Variants in LHCGR observed in about 807,000 individuals in gnomAD.
The protein encoded by LHCGR is lutropin-choriogonadotropic hormone receptor.
LHCGR carries 55 observed loss-of-function variants against 60.7 expected under a neutral mutation model. The observed-to-expected ratio is 0.91, with a 90% confidence interval of 0.73 to 1.13. The LOEUF is 1.13. Ranked by LOEUF, LHCGR falls within the 50% of genes most tolerant of loss-of-function variation. The pLI is 0.00. For missense variants in LHCGR, 862 were observed against 836.0 expected (o/e 1.03, Z -0.38); for synonymous variants, 337 against 316.5 (o/e 1.06, Z -0.69).
In LHCGR at chr2:48,723,444, G is replaced by A; in HGVS notation, c.536+12C>T. 1.9e-6 allele frequency: 3 copies of A among 1,584,118 alleles called. No homozygotes were observed. Among genetic ancestry groups the A allele is most frequent in the Non-Finnish European group, 1.7e-6 (2 of 1,152,786 alleles). On this transcript the variant is annotated intron_variant, in intron 6 of 10. Transcript: ENST00000294954. ...GCTGTATGGCAGAACACAAATCTGG[G>A]AGTTTACTCACAGTGTTACAGATTC...
At chr2:48,735,756 A>G (rs972614393) in intron 1 of LHCGR, among the ~76,000 whole-genome samples, 3 of 152,162 alleles carry the variant, frequency 2.0e-5, no homozygotes, top group African/African-American at 7.2e-5. Context: ...AACTGCTAGG[A>G]AAGAGTGGGT....
chr2:48,708,088 A>T (rs1271693806), intron 8 of LHCGR, among the ~76,000 whole-genome samples: 1 of 152,178 alleles, frequency 6.6e-6, no homozygotes, highest in African/African-American at 2.4e-5. Flanking sequence ...GGAAATGCAG[A>T]AATCACCCGT....
chr2:48,705,783 G>C (rs1002990557), intron 8 of LHCGR, among the ~76,000 whole-genome samples: 1 of 151,786 alleles, frequency 6.6e-6, no homozygotes, highest in African/African-American at 2.4e-5. Flanking sequence ...GAGCCTATGT[G>C]TGTCTTTGCA....
chr2:48,742,054 A>G (rs1269976390), intron 1 of LHCGR, among the ~76,000 whole-genome samples: 1 of 152,172 alleles, frequency 6.6e-6, no homozygotes, highest in Non-Finnish European at 1.5e-5. Flanking sequence ...AGTCTCTGAT[A>G]AAACAGACTT....
chr2:48,688,681 T>A lies in LHCGR; in HGVS notation c.1116A>T (p.Leu372=). The A allele has an allele frequency of 1.2e-6, 2 of 1,614,180 alleles. No homozygotes were observed. The highest frequency in any genetic ancestry group is 2.2e-5 in the South Asian group (2 of 91,078). The change falls in exon 11 of 11, where the codon CTA becomes CTT. Residue 372 remains leucine, a synonymous_variant. Coordinates refer to ENST00000294954, the MANE Select transcript of LHCGR (RefSeq NM_000233.4). The surrounding 1 kb of genome is among the most constrained non-coding windows in gnomAD (Gnocchi z 5.2). ...LRVLIWLINI[L]AIMGNMTVLF... is the part of the protein sequence containing the mutation. ...GAACAGTCATGTTTCCCATGATGGC[T>A]AGAATATTAATCAGCCAAATCAGGA...
intron 6 of LHCGR, among the ~76,000 whole-genome samples, chr2:48,719,422 C>T (rs1668409501): frequency 6.6e-6 from 1 of 152,268 alleles, no homozygotes; most frequent in African/African-American, 2.4e-5. Context: ...GACATCACTT[C>T]TCTGTAGGGT....
intron 1 of LHCGR, among the ~76,000 whole-genome samples, chr2:48,740,378 C>T (rs376027484): frequency 6.6e-6 from 1 of 152,242 alleles, no homozygotes; most frequent in East Asian, 1.9e-4. Context: ...TAGGCTCCAC[C>T]TCTGGGGGCA....
At chr2:48,713,495 G>A (rs1668094271) in intron 7 of LHCGR, among the ~76,000 whole-genome samples, 1 of 152,122 alleles carries the variant, frequency 6.6e-6, no homozygotes, top group African/African-American at 2.4e-5. Context: ...TGGGTAGGGT[G>A]TGGTGAAAAC....
Position 48,687,902 on chromosome 2 carries a change from C to T in LHCGR, c.1895G>A (p.Arg632Lys). The change falls in exon 11 of 11, where the codon AGA becomes AAA. Residue 632 changes from arginine (R) to lysine (K), a missense_variant. Transcript: ENST00000294954. ...TTTGCTCAGCAAAAGAAAGAAATCT[C>T]TTTGGAATGTCTTAGTGAATATTGC... ...LYAIFTKTFQRDFFLLLSKFG... is the reference protein window; with the variant it reads ...LYAIFTKTFQKDFFLLLSKFG... 6.2e-7 allele frequency: 1 copy of T among 1,614,116 alleles called. No homozygotes were observed. Among genetic ancestry groups the T allele is most frequent in the Non-Finnish European group, 8.5e-7 (1 of 1,180,020 alleles).
intron 3 of LHCGR, 85 bp downstream of exon 3, chr2:48,729,068 G>A (rs1011398177): frequency 9.6e-7 from 1 of 1,046,310 alleles, no homozygotes; most frequent in Admixed American, 1.7e-5. Flanking sequence ...CCTAGCAGTG[G>A]ATGCTTGAAT....
chr2:48,742,256 C>T (rs1436222598), intron 1 of LHCGR, among the ~76,000 whole-genome samples: 4 of 152,026 alleles, frequency 2.6e-5, no homozygotes, highest in African/African-American at 7.2e-5. Flanking sequence ...GACTTTAACA[C>T]CCCACTGTCA....
Position 48,755,600 on chromosome 2 carries a change from C to T in LHCGR, c.72G>A (p.Ala24=). 1 of 1,537,148 alleles carries T rather than the reference C, an allele frequency of 6.5e-7. No homozygotes were observed. The highest frequency in any genetic ancestry group is 8.7e-7 in the Non-Finnish European group (1 of 1,145,350). ...GCTCAGGGCAGAGCGCCTCGCGCAG[C>T]GCTCGTGGCAGCGGCGGCTGCAGCA... The part of the protein sequence containing the change: ...LLLLQPPLPR[A]LREALCPEPC... Residue 24 remains alanine (A), a synonymous_variant, in exon 1 of 11, where the codon GCG becomes GCA. Coordinates refer to ENST00000294954, the MANE Select transcript of LHCGR (RefSeq NM_000233.4).
intron 6 of LHCGR, among the ~76,000 whole-genome samples, chr2:48,716,933 T>C (rs1216585766): frequency 6.6e-6 from 1 of 152,206 alleles, no homozygotes; most frequent in African/African-American, 2.4e-5. Context: ...AAACTAATAG[T>C]GGTATCCAAA....
chr2:48,689,779 A>G (rs1343448840), intron 10 of LHCGR, among the ~76,000 whole-genome samples: 3 of 152,128 alleles, frequency 2.0e-5, no homozygotes, highest in Middle Eastern at 6.8e-3. Context: ...CAGTGGCACA[A>G]TCTTGGCTCA....
rs573974435 is a variant in LHCGR at position 48,718,361 on chromosome 2, C to G, written c.537-4307G>C. ...ACAGATGATACTCTAATTCTGAATG[C>G]TGCTTTATAATGAACCCCAAATATT... On this transcript the variant is annotated intron_variant, in intron 6 of 10. Transcript: ENST00000294954. 9.9e-5 allele frequency among the ~76,000 whole-genome samples: 15 copies of G among 152,260 alleles called. No homozygotes were observed. In the East Asian group the frequency reaches 2.9e-3, roughly 29 times the overall value.
chr2:48,715,692 TG>T (rs1402579413), intron 6 of LHCGR, among the ~76,000 whole-genome samples: 1 of 152,174 alleles, frequency 6.6e-6, no homozygotes, highest in Admixed American at 6.5e-5. Context: ...GTACTCTGTG[TG>T]TATGTATGTG....
chr2:48,699,551 T>C (rs536764874), intron 8 of LHCGR, among the ~76,000 whole-genome samples: 1 of 152,356 alleles, frequency 6.6e-6, no homozygotes, highest in Admixed American at 6.5e-5. Context: ...CCTCAGTCTT[T>C]GATTGATTAA....
intron 8 of LHCGR, among the ~76,000 whole-genome samples, chr2:48,707,286 C>T (rs1667734198): frequency 6.6e-6 from 1 of 152,224 alleles, no homozygotes; most frequent in Non-Finnish European, 1.5e-5. Flanking sequence ...CAGAGGGGCA[C>T]CTGCCAGATG....
intron 6 of LHCGR, among the ~76,000 whole-genome samples, chr2:48,719,362 C>T (rs974380552): frequency 6.6e-6 from 1 of 152,178 alleles, no homozygotes; most frequent in African/African-American, 2.4e-5. Flanking sequence ...CCAGCAGTCT[C>T]TCTACTGTGG....
Sources: allele counts gnomAD v4.1 joint callset (sites outside exome capture counted in the v4.1 genomes callset), GRCh38; gene constraint gnomAD v4.1.1; non-coding constraint Gnocchi (gnomAD v3.1); transcripts MANE v1.5; gene names NCBI Gene and HGNC (gene_info 2026-07-23, HGNC 2026-07-21).